PDE7A: variants seen among roughly 807,000 people sequenced by gnomAD.
PDE7A encodes the protein high affinity 3',5'-cyclic-AMP phosphodiesterase 7A.
A neutral mutation model predicts 64.3 loss-of-function variants in PDE7A; 39 were observed. The observed-to-expected ratio is 0.61, with a 90% CI of 0.47 to 0.79. The LOEUF is 0.79. Ranked by LOEUF, PDE7A falls within the 30% of genes least tolerant of loss-of-function variation. PDE7A has a pLI of 0.00. For synonymous variants in PDE7A, 203 were observed against 206.8 expected, an observed-to-expected ratio of 0.98 and a Z score of 0.16; for missense variants, 470 against 582.8, an observed-to-expected ratio of 0.81 and a Z score of 1.99.
chr8:65,793,915 A>G (rs77891674), intron 1 of PDE7A, among the ~76,000 whole-genome samples: 7,374 of 152,272 alleles, frequency 0.048, 494 homozygotes, highest in African/African-American at 0.15. Flanking sequence ...ACTTTCTACA[A>G]TTAAAATCAT....
chr8:65,774,993 G>A (rs1234470305), intron 3 of PDE7A, among the ~76,000 whole-genome samples: 2 of 152,220 alleles, frequency 1.3e-5, no homozygotes, highest in Admixed American at 1.3e-4. Flanking sequence ...AAGTACTGCT[G>A]GATTAATTTA....
intron 1 of PDE7A, among the ~76,000 whole-genome samples, chr8:65,817,401 G>A (rs1053416628): frequency 7.2e-5 from 11 of 151,908 alleles, no homozygotes; most frequent in African/African-American, 1.7e-4. Flanking sequence ...ACCATGGTAC[G>A]TTTATCAGAA....
chr8:65,782,095 A>C (rs1809435144), intron 2 of PDE7A, among the ~76,000 whole-genome samples: 1 of 152,194 alleles, frequency 6.6e-6, no homozygotes, highest in African/African-American at 2.4e-5. Context: ...AGTATCATAA[A>C]GTTGAGGGAG....
At position 65,747,746 on chromosome 8, in the gene PDE7A, A is replaced by G; in HGVS notation, c.341T>C (p.Phe114Ser). 6.2e-7 allele frequency: 1 copy of G among 1,608,612 alleles called. No homozygotes were observed. The highest frequency in any genetic ancestry group is 2.2e-5 in the East Asian group (1 of 44,792). ...SARNIRRLLSFQRYLRSSRFF... is the reference protein window; with the variant it reads ...SARNIRRLLSSQRYLRSSRFF... The stretch of plus-strand genomic sequence containing the variant: ...GCGTGAAGATCTAAGATATCGCTGG[A>G]AACTTAGTAGCCTTCTGATATTCCT... The change falls in exon 4 of 13, where the codon TTC (phenylalanine) becomes TCC (serine). Residue 114 changes from phenylalanine (F) to serine (S), a missense_variant. By Grantham distance (155) the Phe-to-Ser change is radical. Transcript: ENST00000401827.
At chr8:65,835,239 G>C (rs967070596) in intron 1 of PDE7A, among the ~76,000 whole-genome samples, 1 of 152,166 alleles carries the variant, frequency 6.6e-6, no homozygotes, top group East Asian at 1.9e-4. Flanking sequence ...AGTGAACACA[G>C]GGAATTTAAG....
intron 1 of PDE7A, chr8:65,789,108 G>A (rs947656115): frequency 2.3e-6 from 3 of 1,332,808 alleles, no homozygotes; most frequent in Non-Finnish European, 1.9e-6. Context: ...TGACTCCTCT[G>A]GGAATGCACT....
At chr8:65,761,704 G>C (rs117282268) in intron 3 of PDE7A, among the ~76,000 whole-genome samples, 5,096 of 152,296 alleles carry the variant, frequency 0.033, 136 homozygotes, top group Non-Finnish European at 0.053. Flanking sequence ...GTGATCACGG[G>C]TATTACTTCC....
intron 1 of PDE7A, among the ~76,000 whole-genome samples, chr8:65,801,522 C>T (rs373376954): frequency 4.6e-5 from 7 of 151,916 alleles, no homozygotes; most frequent in Non-Finnish European, 8.8e-5. Flanking sequence ...AGCCAAGGAC[C>T]TGACCAAAGT....
In PDE7A at chr8:65,747,799, T is replaced by C; in HGVS notation, c.288A>G (p.Gln96=). The change falls in exon 4 of 13, where the codon CAA becomes CAG. Residue 96 remains glutamine, a synonymous_variant. Transcript: ENST00000401827. ...PYIDFRIFHS[Q]SEIEVSVSAR... ...CAGAGACAGACACTTCAATTTCAGA[T>C]TGAGCTGAAATAAAAAGAATAAAAG... is the stretch of plus-strand genomic sequence containing the variant. 1 of 1,601,082 alleles carries C rather than the reference T, an allele frequency of 6.2e-7. No homozygotes were observed. Among genetic ancestry groups the C allele is most frequent in the Admixed American group, 1.7e-5 (1 of 58,482 alleles).
intron 1 of PDE7A, among the ~76,000 whole-genome samples, chr8:65,797,849 C>A (rs911356157): frequency 2.0e-5 from 3 of 150,122 alleles, no homozygotes; most frequent in South Asian, 2.1e-4. Context: ...TCATGCCATA[C>A]AAAAAAATTA....
At chr8:65,758,807 CTTCCACAAG>C (rs1808355003) in intron 3 of PDE7A, among the ~76,000 whole-genome samples, 2 of 152,320 alleles carry the variant, frequency 1.3e-5, no homozygotes, top group African/African-American at 4.8e-5. Flanking sequence ...GCATTTGCAT[CTTCCACAAG>C]TAAGCAAAGC....
chr8:65,765,113 G>A (rs149410331), intron 3 of PDE7A, among the ~76,000 whole-genome samples: 4 of 152,280 alleles, frequency 2.6e-5, no homozygotes, highest in Non-Finnish European at 5.9e-5. Context: ...AGAGCTTATA[G>A]GCTACAATGT....
chr8:65,766,834 A>G (rs1317305947), intron 3 of PDE7A, among the ~76,000 whole-genome samples: 1 of 152,172 alleles, frequency 6.6e-6, no homozygotes, highest in Admixed American at 6.5e-5. Context: ...GAGGACCACA[A>G]ATCTGTACCT....
At chr8:65,813,557 A>G (rs566979703) in intron 1 of PDE7A, among the ~76,000 whole-genome samples, 2 of 152,374 alleles carry the variant, frequency 1.3e-5, no homozygotes, top group South Asian at 2.1e-4. Flanking sequence ...TTGAAAAATA[A>G]GACAAAAATA....
intron 5 of PDE7A, among the ~76,000 whole-genome samples, chr8:65,744,550 T>TC (rs1312948908): frequency 1.3e-5 from 2 of 152,090 alleles, no homozygotes; most frequent in Admixed American, 6.5e-5. Flanking sequence ...GTGGGCATTT[T>TC]CCCCCAAACC....
chr8:65,761,355 C>T (rs765255082), intron 3 of PDE7A, among the ~76,000 whole-genome samples: 4 of 152,070 alleles, frequency 2.6e-5, no homozygotes, highest in Non-Finnish European at 5.9e-5. Flanking sequence ...TGAGCCACCA[C>T]GCCTGGCCCT....
chr8:65,813,208 C>G (rs1057489355), intron 1 of PDE7A, among the ~76,000 whole-genome samples: 2 of 152,168 alleles, frequency 1.3e-5, no homozygotes, highest in African/African-American at 4.8e-5. Flanking sequence ...CACATAGCTT[C>G]TGACCCAAGT....
At chr8:65,731,891 T>C (rs1806903642) in intron 7 of PDE7A, among the ~76,000 whole-genome samples, 2 of 152,234 alleles carry the variant, frequency 1.3e-5, no homozygotes, top group Admixed American at 6.5e-5. Context: ...CTTAGTTATG[T>C]ACTGTCCACT....
intron 1 of PDE7A, among the ~76,000 whole-genome samples, chr8:65,825,244 A>C (rs1810642924): frequency 6.6e-6 from 1 of 152,226 alleles, no homozygotes; most frequent in African/African-American, 2.4e-5. Context: ...TAACAAGCAT[A>C]CATTAACTTT....
Sources: allele counts gnomAD v4.1 joint callset (sites outside exome capture counted in the v4.1 genomes callset), GRCh38; gene constraint gnomAD v4.1.1; transcripts MANE v1.5; gene names NCBI Gene and HGNC (gene_info 2026-07-23, HGNC 2026-07-21).